The following TPTE2 variants were observed in gnomAD, a reference collection of about 807,000 sequenced individuals.
The protein encoded by TPTE2 is phosphatidylinositol 3,4,5-trisphosphate 3-phosphatase TPTE2.
A neutral mutation model predicts 78.6 loss-of-function variants in TPTE2; 53 were observed. That is an observed-to-expected ratio of 0.67 (90% CI 0.54 to 0.85). TPTE2 has a LOEUF of 0.85. Among genes scored for constraint, TPTE2 ranks in the 40% least tolerant of loss-of-function variants. The probability of loss-of-function intolerance (pLI) is 0.00; values close to 1 mark genes in which losing one functional copy is unlikely to be tolerated. For missense variants in TPTE2, 461 were observed against 623.0 expected, an observed-to-expected ratio of 0.74 and a Z score of 2.77; for synonymous variants, 175 against 206.2, an observed-to-expected ratio of 0.85 and a Z score of 1.30.
chr13:19,550,146 C>G, the TPTE2 span, among the ~76,000 whole-genome samples: 1 of 148,306 alleles, frequency 6.7e-6, no homozygotes, highest in Non-Finnish European at 1.5e-5. Flanking sequence ...ACCCCTGAAC[C>G]TAAAAGTTGG....
chr13:19,479,904 A>G (rs1243646886), intron 4 of TPTE2, among the ~76,000 whole-genome samples: 4 of 151,590 alleles, frequency 2.6e-5, no homozygotes, highest in African/African-American at 9.7e-5. Context: ...CCAAGGTTGC[A>G]GTGAGCTGAG....
At chr13:19,536,026 C>T (rs2137758031) in intron 1 of TPTE2, among the ~76,000 whole-genome samples, 1 of 152,302 alleles carries the variant, frequency 6.6e-6, no homozygotes, top group Admixed American at 6.5e-5. Context: ...TTATTCACAA[C>T]TAATTTCTGC....
chr13:19,465,688 G>C, intron 7 of TPTE2, 124 bp from the exon 11 acceptor site: 3 of 777,922 alleles, frequency 3.9e-6, no homozygotes, highest in Non-Finnish European at 6.1e-6. Context: ...TTACCTACCT[G>C]GGGGATATTT....
At chr13:19,431,195 A>C (rs1433789187) in intron 16 of TPTE2, among the ~76,000 whole-genome samples, 1 of 152,016 alleles carries the variant, frequency 6.6e-6, no homozygotes, top group East Asian at 1.9e-4. Context: ...TTTCTTGCTA[A>C]TATGTTGCTT....
intron 18 of TPTE2, chr13:19,425,786 C>A (rs370403897): frequency 2.0e-6 from 1 of 505,468 alleles, no homozygotes; most frequent in South Asian, 1.4e-5. Flanking sequence ...CACAGGTCTC[C>A]TGGATGGCTC....
chr13:19,498,088 G>A (rs1193094231), intron 1 of TPTE2, among the ~76,000 whole-genome samples: 1 of 151,422 alleles, frequency 6.6e-6, no homozygotes, highest in Admixed American at 6.6e-5. Context: ...AGCGAGAAGG[G>A]AAGTTTAGAG....
At chr13:19,432,618 AAG>A in intron 15 of TPTE2, 40 bp from the exon 19 acceptor site, 1 of 1,413,284 alleles carries the variant, frequency 7.1e-7, no homozygotes, top group Non-Finnish European at 9.7e-7. Flanking sequence ...TGGAGATGAA[AAG>A]TCTAAAGTCA....
In TPTE2 at chr13:19,459,466, T is replaced by C. The variant is rs528414511; in HGVS notation, c.741+4990A>G. The stretch of plus-strand genomic sequence containing the variant: ...TGGGCATTCCCACCATCAGGAGGCA[T>C]TGGATCAGGGACCCATCCAAAGAAG... On this transcript the variant is annotated intron_variant, in intron 10 of 19. Coordinates refer to ENST00000400230, the Ensembl canonical transcript of TPTE2. Among the ~76,000 whole-genome samples the C allele has an allele frequency of 2.8e-4, 42 of 152,288 alleles. 1 individual carries two copies. In the South Asian group the frequency reaches 8.3e-3, roughly 30 times the overall value.
At chr13:19,473,920 A>G in exon 6 of TPTE2, 1 of 1,598,946 alleles carries the variant, frequency 6.3e-7, no homozygotes, top group Non-Finnish European at 8.5e-7. Flanking sequence ...TTACCCTTCT[A>G]CAAATACTCG....
intron 6 of TPTE2, among the ~76,000 whole-genome samples, chr13:19,467,757 C>CTATCAAATA (rs1363070230): frequency 2.0e-5 from 3 of 152,038 alleles, no homozygotes; most frequent in African/African-American, 7.2e-5. Context: ...ATCTGTTGTG[C>CTATCAAATA]TATCAAATAG....
chr13:19,556,335 A>G, the TPTE2 span, among the ~76,000 whole-genome samples: 2 of 152,226 alleles, frequency 1.3e-5, no homozygotes, highest in Non-Finnish European at 2.9e-5. Flanking sequence ...ATTTGTTCAA[A>G]AAAAGAATTT....
intron 16 of TPTE2, among the ~76,000 whole-genome samples, chr13:19,431,567 T>A (rs1275762117): frequency 6.6e-6 from 1 of 152,254 alleles, no homozygotes; most frequent in Admixed American, 6.5e-5. Context: ...ATTGTTCATC[T>A]CATATGCTGT....
the TPTE2 span, among the ~76,000 whole-genome samples, chr13:19,553,524 TG>T: frequency 1.3e-5 from 2 of 152,196 alleles, no homozygotes; most frequent in Non-Finnish European, 2.9e-5. Context: ...TAGCCAAATG[TG>T]GGTTGTAATC....
At chr13:19,493,042 G>A in intron 2 of TPTE2, 139 bp from the exon 6 acceptor site, 1 of 1,196,886 alleles carries the variant, frequency 8.4e-7, no homozygotes, top group African/African-American at 1.5e-5. Context: ...ATACTGCTTA[G>A]TAGGAACTAA....
intron 6 of TPTE2, among the ~76,000 whole-genome samples, chr13:19,473,597 C>CTTTTTTT (rs34210025): frequency 7.7e-6 from 1 of 129,130 alleles, no homozygotes; most frequent in Non-Finnish European, 1.6e-5. Flanking sequence ...TTTTAAAATG[C>CTTTTTTT]TTTTTTTTTT....
chr13:19,465,492 T>C, exon 8 of TPTE2: 1 of 1,610,288 alleles, frequency 6.2e-7, no homozygotes, highest in Non-Finnish European at 8.5e-7. Context: ...TTTCAAGTTG[T>C]CTTTTTTGAT....
chr13:19,493,017 C>A, intron 2 of TPTE2, 114 bp from the exon 6 acceptor site: 1 of 1,438,648 alleles, frequency 7.0e-7, no homozygotes, highest in East Asian at 2.4e-5. Flanking sequence ...TGTCAGAAAT[C>A]TGAGTCCCAT....
intron 3 of TPTE2, among the ~76,000 whole-genome samples, chr13:19,485,986 T>G (rs1880641647): frequency 6.6e-6 from 1 of 152,168 alleles, no homozygotes; most frequent in Non-Finnish European, 1.5e-5. Context: ...TTCCTTAAGA[T>G]TATTCTTTTT....
intron 13 of TPTE2, among the ~76,000 whole-genome samples, chr13:19,447,710 T>C (rs532671228): frequency 1.4e-4 from 21 of 152,304 alleles, no homozygotes; most frequent in African/African-American, 4.8e-4. Flanking sequence ...AAAAATGTAA[T>C]TATTTATGTT....
Sources: allele counts gnomAD v4.1 joint callset (sites outside exome capture counted in the v4.1 genomes callset), GRCh38; gene constraint gnomAD v4.1.1; transcripts MANE v1.5; gene names NCBI Gene and HGNC (gene_info 2026-07-23, HGNC 2026-07-21).